RUNX1: variants seen among roughly 807,000 people sequenced by gnomAD.
The protein encoded by RUNX1 is runt-related transcription factor 1.
A neutral mutation model predicts 42.8 loss-of-function variants in RUNX1; 19 were observed. The ratio of observed to expected loss-of-function variants is 0.44; its 90% CI spans 0.31 to 0.65. The LOEUF is 0.65. RUNX1 is among the 30% of genes least tolerant of loss of function. The pLI, the probability that RUNX1 is intolerant of heterozygous loss-of-function variation, is 0.07. For synonymous variants in RUNX1, 271 were observed against 289.4 expected, an observed-to-expected ratio of 0.94 and a Z score of 0.64; for missense variants, 528 against 672.0, an observed-to-expected ratio of 0.79 and a Z score of 2.37.
intron 2 of RUNX1, among the ~76,000 whole-genome samples, chr21:35,016,143 C>A (rs2059157691): frequency 6.6e-6 from 1 of 152,168 alleles, no homozygotes; most frequent in African/African-American, 2.4e-5. Context: ...GGAAACAATG[C>A]TTGTTTTGCA....
At chr21:34,895,416 A>C (rs1438953981) in intron 2 of RUNX1, among the ~76,000 whole-genome samples, 1 of 152,128 alleles carries the variant, frequency 6.6e-6, no homozygotes, top group Non-Finnish European at 1.5e-5. Context: ...GTTGGTGGAC[A>C]CATGTCCAGG....
intron 7 of RUNX1, among the ~76,000 whole-genome samples, chr21:34,812,489 A>G (rs1239908744): frequency 6.6e-6 from 1 of 151,886 alleles, no homozygotes; most frequent in Admixed American, 6.6e-5. Flanking sequence ...AGTCAGATTC[A>G]TCTAGGGGCA....
rs1191083851 is a variant in RUNX1 at position 34,957,514 on chromosome 21, CCTCTCCAGTG to C, written c.59-64561_59-64552del. Among the ~76,000 whole-genome samples, 7 of 152,254 alleles carry C rather than the reference CCTCTCCAGTG, an allele frequency of 4.6e-5. No individual in the cohort carries two copies. The East Asian group carries it at 1.2e-3, about 25-fold the overall frequency. On this transcript the variant is annotated intron_variant, in intron 2 of 8. Transcript: ENST00000675419. ...ATTCTGGGCAAGGGGTGCCTGTGTA[CCTCTCCAGTG>C]CCACCTGGGTGCCATGAAAAAAATG...
chr21:34,975,591 C>T (rs941589599), intron 2 of RUNX1, among the ~76,000 whole-genome samples: 4 of 152,126 alleles, frequency 2.6e-5, no homozygotes, highest in African/African-American at 9.7e-5. Flanking sequence ...CCCATGGATA[C>T]TGGGGGGTGA....
chr21:34,887,267 G>GC, intron 3 of RUNX1, 171 bp from the exon 4 acceptor site: 1 of 1,273,334 alleles, frequency 7.9e-7, no homozygotes, highest in East Asian at 3.7e-5. Flanking sequence ...GTGGTTAGGG[G>GC]AGGAGGGAGA....
intron 2 of RUNX1, among the ~76,000 whole-genome samples, chr21:35,041,969 T>A (rs2059362991): frequency 6.6e-6 from 1 of 152,102 alleles, no homozygotes; most frequent in South Asian, 2.1e-4. Context: ...CTGGGGGATT[T>A]TTGAGAGTTT....
chr21:34,977,961 G>T (rs2058815666), intron 2 of RUNX1, among the ~76,000 whole-genome samples: 4 of 149,486 alleles, frequency 2.7e-5, no homozygotes, highest in African/African-American at 9.9e-5. Flanking sequence ...TCTCTCTGTC[G>T]CCCAGGCTGG....
At chr21:35,027,074 C>T (rs1021627662) in intron 2 of RUNX1, among the ~76,000 whole-genome samples, 1 of 152,160 alleles carries the variant, frequency 6.6e-6, no homozygotes, top group Non-Finnish European at 1.5e-5. Context: ...AAGAGGCTTC[C>T]CAGAGAAGTG....
intron 6 of RUNX1, among the ~76,000 whole-genome samples, chr21:34,857,179 A>G (rs1205164196): frequency 1.3e-5 from 2 of 152,200 alleles, no homozygotes; most frequent in Non-Finnish European, 2.9e-5. Context: ...CCCAGGCCCC[A>G]AATTCCATTT....
chr21:34,788,561 T>A lies in RUNX1; in HGVS notation c.*3574A>T. On this transcript the variant is annotated 3_prime_UTR_variant, in exon 9 of 9. Coordinates refer to ENST00000675419, the MANE Select transcript of RUNX1 (RefSeq NM_001754.5). ...GTCCTTAGAAACACACACAAAAAAA[T>A]TGAAAAAAAGTTATAGGCATTAACA... The A allele has an allele frequency of 4.3e-6, 1 of 232,856 alleles. No homozygotes were observed. 14.4% of individuals were successfully genotyped at this position (232,856 alleles called of 1,614,324 possible).
At chr21:34,830,512 T>C (rs1404448280) in intron 7 of RUNX1, among the ~76,000 whole-genome samples, 6 of 152,194 alleles carry the variant, frequency 3.9e-5, no homozygotes, top group Non-Finnish European at 8.8e-5. Flanking sequence ...CCCAACACTT[T>C]TTCCATCCCT....
chr21:34,990,863 T>C (rs2058931937), intron 2 of RUNX1, among the ~76,000 whole-genome samples: 1 of 152,150 alleles, frequency 6.6e-6, no homozygotes, highest in Admixed American at 6.5e-5. Flanking sequence ...AGTGCTGGGA[T>C]TATAGGAGTG....
chr21:35,045,118 G>A (rs758712376), intron 2 of RUNX1, among the ~76,000 whole-genome samples: 32 of 152,190 alleles, frequency 2.1e-4, no homozygotes, highest in African/African-American at 5.1e-4. Context: ...AAAATTACTC[G>A]TCATTTTCTA....
intron 2 of RUNX1, among the ~76,000 whole-genome samples, chr21:34,894,612 T>C (rs989112015): frequency 4.6e-5 from 7 of 151,548 alleles, no homozygotes; most frequent in African/African-American, 1.7e-4. Context: ...AGAGGGGAGG[T>C]TGCGTGTGTT....
At chr21:34,969,657 T>G (rs1192740726) in intron 2 of RUNX1, among the ~76,000 whole-genome samples, 2 of 151,992 alleles carry the variant, frequency 1.3e-5, no homozygotes, top group Admixed American at 1.3e-4. Context: ...CCCATGCCTC[T>G]TAGCTGGGTC....
intron 2 of RUNX1, among the ~76,000 whole-genome samples, chr21:34,917,181 G>A (rs1331835700): frequency 6.6e-6 from 1 of 152,216 alleles, no homozygotes; most frequent in Non-Finnish European, 1.5e-5. Flanking sequence ...TAGAGCCTGA[G>A]GAATCAGTGA....
chr21:34,851,586 AG>A (rs771273661), intron 6 of RUNX1, among the ~76,000 whole-genome samples: 2 of 152,024 alleles, frequency 1.3e-5, no homozygotes, highest in Admixed American at 6.5e-5. Context: ...AAATGCAGAC[AG>A]GGTTTTTTTT....
chr21:34,868,124 G>T (rs1423010487), intron 5 of RUNX1, among the ~76,000 whole-genome samples: 1 of 152,212 alleles, frequency 6.6e-6, no homozygotes, highest in Non-Finnish European at 1.5e-5. Context: ...AGAAAGGCAG[G>T]TGAGTGTGGA....
chr21:34,927,153 A>G (rs2058401782), intron 2 of RUNX1, among the ~76,000 whole-genome samples: 1 of 152,202 alleles, frequency 6.6e-6, no homozygotes, highest in African/African-American at 2.4e-5. Context: ...GCAGGGGGAA[A>G]ATTCATAAAG....
Sources: gnomAD v4.1 joint callset for allele counts (sites outside exome capture counted in the v4.1 genomes callset) on GRCh38, gnomAD v4.1.1 for gene constraint, MANE v1.5 for transcripts, NCBI Gene and HGNC (gene_info 2026-07-23, HGNC 2026-07-21) for gene names.